The following ABHD10 variants were observed in gnomAD, a reference collection of about 807,000 sequenced individuals.
ABHD10 encodes abhydrolase domain containing 10, depalmitoylase, also known as palmitoyl-protein thioesterase ABHD10, mitochondrial.
In ABHD10, 22 loss-of-function variants were observed where a neutral mutation model predicts 33.1. The observed-to-expected ratio is 0.66, with a 90% CI of 0.47 to 0.95. The LOEUF (loss-of-function observed/expected upper bound fraction) is 0.95, where lower values mean the gene tolerates loss of function less well. Among genes scored for constraint, ABHD10 ranks in the 40% least tolerant of loss-of-function variants. The pLI, the probability that ABHD10 is intolerant of heterozygous loss-of-function variation, is 0.00. For missense variants in ABHD10, 352 were observed against 379.9 expected (o/e 0.93, Z 0.61); for synonymous variants, 146 against 133.9 (o/e 1.09, Z -0.62).
Position 111,986,170 on chromosome 3 carries a change from G to A in ABHD10, c.327-94G>A, listed in dbSNP as rs78862497. The stretch of plus-strand genomic sequence containing the variant: ...TATTGATTGTGATGTTTCACTATAA[G>A]CATTATAGTAATGAGGAAGGTGCTA... On this transcript the variant is annotated intron_variant, in intron 2 of 4. Transcript: ENST00000273359. 2,086 of 663,150 alleles carry A rather than the reference G, an allele frequency of 3.1e-3. 40 individuals are homozygous for A. The African/African-American group carries it at 0.036, about 11-fold the overall frequency. The allele number at this position is 663,150 out of a possible 1,614,324, so 41.1% of individuals were successfully genotyped here.
chr3:111,983,606 C>T (rs2072614650), intron 2 of ABHD10, among the ~76,000 whole-genome samples: 1 of 152,086 alleles, frequency 6.6e-6, no homozygotes. Flanking sequence ...GAGATTTTAT[C>T]TTCTATTCTC....
intron 1 of ABHD10, among the ~76,000 whole-genome samples, chr3:111,980,315 T>G (rs928385549): frequency 6.6e-6 from 1 of 152,194 alleles, no homozygotes; most frequent in Admixed American, 6.5e-5. Flanking sequence ...GGCATATTTC[T>G]CTATACTTTG....
intron 2 of ABHD10, 24 bp downstream of exon 2, chr3:111,981,991 A>C (rs1163991996): frequency 6.9e-7 from 1 of 1,451,132 alleles, no homozygotes; most frequent in South Asian, 1.7e-5. Context: ...ATTACTGAGA[A>C]AATATTGCTA....
In ABHD10 at chr3:111,987,060, A is replaced by G. The variant is rs776074781; in HGVS notation, c.576+9A>G. ...ATCAGCTTCCTGTTGAGGTAAGTCA[A>G]AAGTCACTTTTGCCACCTCAATATA... On this transcript the variant is annotated intron_variant, in intron 4 of 4. Coordinates refer to ENST00000273359, the MANE Select transcript of ABHD10 (RefSeq NM_018394.4). The G allele has an allele frequency of 2.5e-6, 4 of 1,611,600 alleles. No homozygotes were observed. The highest frequency in any genetic ancestry group is 1.1e-5 in the South Asian group (1 of 90,610).
Position 111,981,800 on chromosome 3 carries a change from G to T in ABHD10, c.159G>T (p.Thr53=). The T allele has an allele frequency of 6.4e-7, 1 of 1,558,682 alleles. No homozygotes were observed. The highest frequency in any genetic ancestry group is 8.8e-7 in the Non-Finnish European group (1 of 1,141,282). ...PRWLPACRQK[T]SLSFLNRPDL... Reference sequence around the variant, plus strand: ...TTTGTTTAGCTTGTAGACAAAAGACGTCACTCTCATTCCTTAATCGACCAG... The same window carrying T: ...TTTGTTTAGCTTGTAGACAAAAGACTTCACTCTCATTCCTTAATCGACCAG... Residue 53 remains threonine, a synonymous_variant, in exon 2 of 5, where the codon ACG becomes ACT. Transcript: ENST00000273359.
rs773314059 is a variant in ABHD10, at chr3:111,991,495, A to G, written c.695A>G (p.His232Arg). Residue 232 changes from histidine (H) to arginine (R), a missense_variant, in exon 5 of 5, where the codon CAT becomes CGT. Physicochemically the swap from His to Arg is conservative, Grantham distance 29. Coordinates refer to ENST00000273359, the MANE Select transcript of ABHD10 (RefSeq NM_018394.4). ...IKEAEHHCLL[H>R]SPIPVNCPIR... The stretch of plus-strand genomic sequence containing the variant: ...GAAGCTGAACATCACTGCTTGTTAC[A>G]TAGCCCAATTCCTGTGAACTGCCCC... 9.3e-6 allele frequency: 15 copies of G among 1,614,016 alleles called. No homozygotes were observed. The highest frequency in any genetic ancestry group is 6.7e-5 in the African/African-American group (5 of 74,944).
intron 3 of ABHD10, 73 bp from the exon 4 acceptor site, chr3:111,986,841 G>A: frequency 9.3e-7 from 1 of 1,075,516 alleles, no homozygotes; most frequent in South Asian, 1.9e-5. Context: ...ATTTTTTATT[G>A]TACATATTTT....
In ABHD10 at chr3:111,991,613, C is replaced by T; in HGVS notation, c.813C>T (p.Val271=). 6.2e-7 allele frequency: 1 copy of T among 1,614,094 alleles called. No homozygotes were observed. ...GAGTACTCAGCACAGATGTGGATGT[C>T]ATCCTCCGAAAACACAGTGATCACC... ...ADRVLSTDVD[V]ILRKHSDHRM... is the part of the protein sequence containing the mutation. Residue 271 remains valine, a synonymous_variant, in exon 5 of 5, where the codon GTC becomes GTT. Coordinates refer to ENST00000273359, the MANE Select transcript of ABHD10 (RefSeq NM_018394.4).
chr3:111,987,085 A>G, intron 4 of ABHD10, 34 bp downstream of exon 4: 1 of 1,603,032 alleles, frequency 6.2e-7, no homozygotes, highest in Non-Finnish European at 8.5e-7. Flanking sequence ...ACCTCAATAT[A>G]TTTACCGCTT....
At position 111,992,394 on chromosome 3, in the gene ABHD10, G is replaced by A. The variant is rs894524306; in HGVS notation, c.*673G>A. Reference sequence around the variant, plus strand: ...GGGGAATTTCATCTAAAACAATGATGTAGTATTTTTAATATTCTGATTGGT... The same window carrying A: ...GGGGAATTTCATCTAAAACAATGATATAGTATTTTTAATATTCTGATTGGT... On this transcript the variant is annotated 3_prime_UTR_variant, in exon 5 of 5. Transcript: ENST00000273359. The A allele has an allele frequency of 6.6e-6, 1 of 151,318 alleles. No homozygotes were observed. Among genetic ancestry groups the A allele is most frequent in the Non-Finnish European group, 1.5e-5 (1 of 67,806 alleles). 9.4% of individuals were successfully genotyped at this position (151,318 alleles called of 1,614,324 possible).
intron 1 of ABHD10, among the ~76,000 whole-genome samples, chr3:111,981,237 AG>A (rs1217551801): frequency 1.4e-5 from 2 of 146,860 alleles, no homozygotes; most frequent in Non-Finnish European, 3.0e-5. Flanking sequence ...TGAGGAGTCG[AG>A]GAAGTCCAGG....
At chr3:111,986,657 G>A (rs962849095) in intron 3 of ABHD10, among the ~76,000 whole-genome samples, 4 of 152,016 alleles carry the variant, frequency 2.6e-5, no homozygotes, top group South Asian at 2.1e-4. Context: ...GGATGGTCTC[G>A]ATCTCCTGAC....
Position 111,981,859 on chromosome 3 carries a change from G to A in ABHD10, c.218G>A (p.Gly73Asp). 1 of 1,606,484 alleles carries A rather than the reference G, an allele frequency of 6.2e-7. No homozygotes were observed. Among genetic ancestry groups the A allele is most frequent in the Non-Finnish European group, 8.5e-7 (1 of 1,174,692 alleles). Residue 73 changes from glycine to aspartate, a missense_variant, in exon 2 of 5, where the codon GGC becomes GAC. By Grantham distance (94) the Gly-to-Asp change is moderately conservative (BLOSUM62 -1). Transcript: ENST00000273359. ...AACCTGGCTTATAAGAAGCTAAAAG[G>A]CAAAAGTCCAGGAATTATCTTCATC... ...LPNLAYKKLK[G>D]KSPGIIFIPG...
At chr3:111,988,610 T>C (rs187037515) in intron 4 of ABHD10, among the ~76,000 whole-genome samples, 4 of 150,902 alleles carry the variant, frequency 2.7e-5, no homozygotes, top group African/African-American at 9.8e-5. Context: ...TTTGGGGGGG[T>C]TTTTAGGGTA....
chr3:111,989,480 A>G (rs2072714784), intron 4 of ABHD10, among the ~76,000 whole-genome samples: 1 of 152,226 alleles, frequency 6.6e-6, no homozygotes, highest in South Asian at 2.1e-4. Flanking sequence ...TTTTCATTCA[A>G]TTCAGTGGCA....
intron 1 of ABHD10, among the ~76,000 whole-genome samples, chr3:111,981,304 C>A (rs1273446421): frequency 3.0e-5 from 4 of 134,624 alleles, no homozygotes; most frequent in Admixed American, 7.5e-5. Context: ...AAGGTGAGAC[C>A]CTGTCTCAAA....
chr3:111,979,047 G>C lies in ABHD10; in HGVS notation c.-15G>C, dbSNP rs768232689. The C allele has an allele frequency of 5.6e-6, 9 of 1,611,380 alleles. 1 individual carries two copies. In the South Asian group the frequency reaches 9.9e-5, roughly 18 times the overall value. On this transcript the variant is annotated 5_prime_UTR_variant, in exon 1 of 5. Coordinates refer to ENST00000273359, the MANE Select transcript of ABHD10 (RefSeq NM_018394.4). ...CCTCAGTGGGACACTGCAGGGTGCGGGGACAACTACGAAGATGGCGGTTGC... is the reference window on the plus strand; with the variant it reads ...CCTCAGTGGGACACTGCAGGGTGCGCGGACAACTACGAAGATGGCGGTTGC...
intron 2 of ABHD10, among the ~76,000 whole-genome samples, chr3:111,985,528 T>C (rs867250365): frequency 6.6e-6 from 1 of 152,238 alleles, no homozygotes; most frequent in Non-Finnish European, 1.5e-5. Flanking sequence ...GGAACTTTCA[T>C]TCTAATGTGG....
chr3:111,982,229 T>A, intron 2 of ABHD10: 1 of 287,514 alleles, frequency 3.5e-6, no homozygotes. Context: ...TTAGAGGCAA[T>A]AATGTATGTG....
Sources: allele counts gnomAD v4.1 joint callset (sites outside exome capture counted in the v4.1 genomes callset), GRCh38; gene constraint gnomAD v4.1.1; transcripts MANE v1.5; gene names NCBI Gene and HGNC (gene_info 2026-07-23, HGNC 2026-07-21).